CHCHD6: variants seen among roughly 807,000 people sequenced by gnomAD.
CHCHD6 encodes the protein coiled-coil-helix-coiled-coil-helix domain containing 6, also known as MICOS complex subunit MIC25.
A neutral mutation model predicts 32.3 loss-of-function variants in CHCHD6; 28 were observed. The ratio of observed to expected loss-of-function variants is 0.87; its 90% CI spans 0.64 to 1.19. The LOEUF (loss-of-function observed/expected upper bound fraction) is 1.19. Among genes scored for constraint, CHCHD6 ranks in the 50% most tolerant of loss-of-function variants. The pLI is 0.00. For synonymous variants in CHCHD6, 122 were observed against 117.5 expected (o/e 1.04, Z -0.25); for missense variants, 333 against 307.0 (o/e 1.08, Z -0.63).
intron 4 of CHCHD6, among the ~76,000 whole-genome samples, chr3:126,840,508 A>G (rs953007588): frequency 6.6e-6 from 1 of 152,212 alleles, no homozygotes; most frequent in Non-Finnish European, 1.5e-5. Flanking sequence ...AAGATAAAAC[A>G]CTGATACTGA....
intron 4 of CHCHD6, among the ~76,000 whole-genome samples, chr3:126,806,876 T>G (rs1241033778): frequency 6.6e-6 from 1 of 151,764 alleles, no homozygotes; most frequent in Non-Finnish European, 1.5e-5. Context: ...CCATAAAAAA[T>G]GATGAGTTCA....
At chr3:126,821,653 T>G (rs1190517303) in intron 4 of CHCHD6, among the ~76,000 whole-genome samples, 2 of 152,206 alleles carry the variant, frequency 1.3e-5, no homozygotes, top group East Asian at 3.8e-4. Context: ...CAAAGGAGTA[T>G]ATGACGGTTC....
intron 4 of CHCHD6, among the ~76,000 whole-genome samples, chr3:126,807,084 A>G (rs1939426442): frequency 6.6e-6 from 1 of 150,752 alleles, no homozygotes; most frequent in Admixed American, 6.6e-5. Context: ...GCATTAGGCG[A>G]TATACCTAAT....
chr3:126,754,069 G>A (rs1936849330), intron 4 of CHCHD6, among the ~76,000 whole-genome samples: 1 of 152,170 alleles, frequency 6.6e-6, no homozygotes, highest in African/African-American at 2.4e-5. Context: ...TCTCTGGTTT[G>A]TCCACATTAG....
chr3:126,726,533 C>T (rs544464224), intron 1 of CHCHD6, among the ~76,000 whole-genome samples: 1 of 149,354 alleles, frequency 6.7e-6, no homozygotes, highest in Admixed American at 6.8e-5. Context: ...TGCAGGCTTG[C>T]CACAGACCTT....
At chr3:126,947,990 G>A (rs368423657) in intron 6 of CHCHD6, among the ~76,000 whole-genome samples, 65 of 152,336 alleles carry the variant, frequency 4.3e-4, no homozygotes, top group African/African-American at 1.5e-3. Context: ...GGCATGTGGT[G>A]GGCATTGAAG....
At chr3:126,727,255 GC>G in intron 2 of CHCHD6, 69 bp downstream of exon 2, 2 of 1,130,610 alleles carry the variant, frequency 1.8e-6, no homozygotes, top group Non-Finnish European at 1.3e-6. Flanking sequence ...GCTCACCCGA[GC>G]CCACCTGATG....
intron 6 of CHCHD6, among the ~76,000 whole-genome samples, chr3:126,952,240 T>C (rs895523874): frequency 1.3e-5 from 2 of 152,182 alleles, no homozygotes; most frequent in African/African-American, 4.8e-5. Flanking sequence ...GGGAGTGCTC[T>C]GTGGGCATGG....
intron 1 of CHCHD6, among the ~76,000 whole-genome samples, chr3:126,705,202 A>T (rs923399879): frequency 1.1e-4 from 17 of 151,826 alleles, no homozygotes; most frequent in Non-Finnish European, 2.1e-4. Context: ...ATCTGAAGTA[A>T]CCTCCCACCC....
At chr3:126,786,709 A>G (rs1348138532) in intron 4 of CHCHD6, among the ~76,000 whole-genome samples, 1 of 152,168 alleles carries the variant, frequency 6.6e-6, no homozygotes, top group Non-Finnish European at 1.5e-5. Flanking sequence ...AGATCATTGT[A>G]GATTCTGGAT....
At position 126,733,235 on chromosome 3, in the gene CHCHD6, T is replaced by G. The variant is rs1469557837; in HGVS notation, c.411+13T>G. Reference sequence around the variant, plus strand: ...GTCAGTCCGGCTGGTGAGTGCAGATTTTCCCTGATCTGGCCTTCTGAGCTG... The same window carrying G: ...GTCAGTCCGGCTGGTGAGTGCAGATGTTCCCTGATCTGGCCTTCTGAGCTG... On this transcript the variant is annotated intron_variant, in intron 4 of 7. Transcript: ENST00000290913. The G allele has an allele frequency of 6.2e-7, 1 of 1,611,146 alleles. No homozygotes were observed. The highest frequency in any genetic ancestry group is 8.5e-7 in the Non-Finnish European group (1 of 1,178,762).
chr3:126,831,246 C>T (rs780751835), intron 4 of CHCHD6, among the ~76,000 whole-genome samples: 18 of 151,996 alleles, frequency 1.2e-4, no homozygotes, highest in Admixed American at 2.0e-4. Context: ...AGGATGGTCT[C>T]GATCTCCTGA....
At chr3:126,778,385 G>A (rs141681475) in intron 4 of CHCHD6, among the ~76,000 whole-genome samples, 3 of 152,250 alleles carry the variant, frequency 2.0e-5, no homozygotes, top group East Asian at 1.9e-4. Context: ...TTTTACATTC[G>A]CACTAGCAAT....
chr3:126,720,222 G>A (rs370044183), intron 1 of CHCHD6, among the ~76,000 whole-genome samples: 6 of 152,214 alleles, frequency 3.9e-5, no homozygotes, highest in East Asian at 3.9e-4. Flanking sequence ...TCCTGGTCAC[G>A]CAGCCCTTTT....
chr3:126,755,321 G>A (rs1170979676), intron 4 of CHCHD6, among the ~76,000 whole-genome samples: 1 of 152,180 alleles, frequency 6.6e-6, no homozygotes, highest in Non-Finnish European at 1.5e-5. Flanking sequence ...GTATAGGGCA[G>A]CCCAAGGCCC....
chr3:126,709,672 C>T (rs927297723), intron 1 of CHCHD6, among the ~76,000 whole-genome samples: 2 of 152,168 alleles, frequency 1.3e-5, no homozygotes, highest in Non-Finnish European at 2.9e-5. Context: ...TTATTATCTT[C>T]GATTCTAGCA....
intron 5 of CHCHD6, among the ~76,000 whole-genome samples, chr3:126,870,202 A>G (rs762658145): frequency 3.3e-5 from 5 of 152,236 alleles, no homozygotes; most frequent in Admixed American, 6.5e-5. Context: ...GAATGTATAC[A>G]GAGATATTCA....
At chr3:126,729,384 G>A (rs1214982299) in intron 2 of CHCHD6, among the ~76,000 whole-genome samples, 2 of 152,172 alleles carry the variant, frequency 1.3e-5, no homozygotes, top group Non-Finnish European at 2.9e-5. Flanking sequence ...CCAAGGGAGC[G>A]GGGAGCGGGC....
chr3:126,774,600 T>A (rs1000312212), intron 4 of CHCHD6, among the ~76,000 whole-genome samples: 5 of 152,134 alleles, frequency 3.3e-5, no homozygotes, highest in Admixed American at 2.6e-4. Flanking sequence ...CCAAGTGATC[T>A]CCACCGACAG....
Sources: gnomAD v4.1 joint callset for allele counts (sites outside exome capture counted in the v4.1 genomes callset) on GRCh38, gnomAD v4.1.1 for gene constraint, MANE v1.5 for transcripts, NCBI Gene and HGNC (gene_info 2026-07-23, HGNC 2026-07-21) for gene names.